The following KIAA1549L variants were observed in gnomAD, a reference collection of about 807,000 sequenced individuals.
KIAA1549L encodes KIAA1549 like.
In KIAA1549L, 88 loss-of-function variants were observed where a neutral mutation model predicts 160.7. The observed-to-expected ratio is 0.55, with a 90% CI of 0.46 to 0.65. KIAA1549L has a LOEUF of 0.65. KIAA1549L is among the 30% of genes least tolerant of loss of function. The probability of loss-of-function intolerance (pLI) is 0.00; values close to 1 mark genes in which losing one functional copy is unlikely to be tolerated. For synonymous variants in KIAA1549L, 950 were observed against 976.7 expected (o/e 0.97, Z 0.51); for missense variants, 2,258 against 2,437.5 (o/e 0.93, Z 1.55).
intron 20 of KIAA1549L, among the ~76,000 whole-genome samples, chr11:33,667,462 G>A (rs949875669): frequency 6.0e-5 from 9 of 151,260 alleles, no homozygotes; most frequent in African/African-American, 1.5e-4. Context: ...GTACAATCTC[G>A]GCTCATTGCA....
chr11:33,645,105 C>T (rs1343751534), intron 16 of KIAA1549L, among the ~76,000 whole-genome samples: 5 of 152,252 alleles, frequency 3.3e-5, no homozygotes, highest in African/African-American at 9.6e-5. Context: ...ATCGGAATCT[C>T]CTGGCGGGCT....
intron 4 of KIAA1549L, among the ~76,000 whole-genome samples, chr11:33,550,806 G>T (rs1329082477): frequency 1.3e-5 from 2 of 152,136 alleles, no homozygotes; most frequent in African/African-American, 2.4e-5. Context: ...AAAAGATACA[G>T]ATTTAATTCT....
chr11:33,475,469 A>T (rs1353224952), intron 1 of KIAA1549L, among the ~76,000 whole-genome samples: 2 of 151,608 alleles, frequency 1.3e-5, no homozygotes, highest in Non-Finnish European at 2.9e-5. Context: ...AGGTGGGAGG[A>T]TCGTTTGAGC....
Position 33,551,201 on chromosome 11 carries a change from G to T in KIAA1549L, c.3663G>T (p.Val1221=). The change falls in exon 5 of 21, where the codon GTG becomes GTT. Residue 1221 remains valine (V), a synonymous_variant. Transcript: ENST00000658780. ...LKQHTPHLQS[V]AVLASPWNPQ... is the part of the protein sequence containing the mutation. ...AACACACCCCACACTTACAGTCTGT[G>T]GCAGTACTTGCCTCCCCATGGAATC... The T allele has an allele frequency of 6.2e-7, 1 of 1,613,880 alleles. No individual in the cohort carries two copies. Among genetic ancestry groups the T allele is most frequent in the Non-Finnish European group, 8.5e-7 (1 of 1,179,880 alleles).
intron 1 of KIAA1549L, among the ~76,000 whole-genome samples, chr11:33,399,265 A>G (rs56117823): frequency 1.3e-5 from 2 of 152,190 alleles, no homozygotes; most frequent in African/African-American, 2.4e-5. Context: ...GTTAGTGTTT[A>G]TAATGTCATG....
At chr11:33,380,119 A>T (rs1850044243) in intron 1 of KIAA1549L, among the ~76,000 whole-genome samples, 1 of 152,120 alleles carries the variant, frequency 6.6e-6, no homozygotes, top group South Asian at 2.1e-4. Context: ...TGTGGGGAGG[A>T]GTCCTCAGCA....
chr11:33,442,519 A>T (rs1457104672), intron 1 of KIAA1549L, among the ~76,000 whole-genome samples: 1 of 152,110 alleles, frequency 6.6e-6, no homozygotes, highest in Non-Finnish European at 1.5e-5. Flanking sequence ...TTTTCCTTCC[A>T]TTTTTGATGC....
At chr11:33,613,262 A>C (rs1236797925) in intron 15 of KIAA1549L, among the ~76,000 whole-genome samples, 1 of 152,146 alleles carries the variant, frequency 6.6e-6, no homozygotes, top group African/African-American at 2.4e-5. Context: ...CCTCACCAGC[A>C]TCTACTATTT....
chr11:33,514,729 C>T (rs1853305559), intron 1 of KIAA1549L, among the ~76,000 whole-genome samples: 1 of 152,138 alleles, frequency 6.6e-6, no homozygotes, highest in South Asian at 2.1e-4. Context: ...AAAGGCTTTA[C>T]CATCTGGGAT....
chr11:33,543,816 C>T lies in KIAA1549L; in HGVS notation c.2253C>T (p.Ala751=), dbSNP rs368585647. ...TAPPNGLTSA[A]DAIKSQDFKD... is the part of the protein sequence containing the mutation. ...CTCCCAATGGTTTAACTTCAGCTGC[C>T]GATGCCATAAAATCTCAGGATTTCA... The change falls in exon 2 of 21, where the codon GCC becomes GCT. Residue 751 remains alanine, a synonymous_variant. Coordinates refer to ENST00000658780, the MANE Select transcript of KIAA1549L (RefSeq NM_012194.3). The T allele has an allele frequency of 5.9e-5, 95 of 1,613,836 alleles. 1 individual carries two copies. The Middle Eastern group carries it at 2.3e-3, about 39-fold the overall frequency.
chr11:33,413,499 T>C (rs1455487087), intron 1 of KIAA1549L, among the ~76,000 whole-genome samples: 1 of 150,972 alleles, frequency 6.6e-6, no homozygotes, highest in Non-Finnish European at 1.5e-5. Flanking sequence ...CTATGAAGCA[T>C]GGTTTTTGTT....
intron 1 of KIAA1549L, among the ~76,000 whole-genome samples, chr11:33,477,507 G>GCACGCTCACACA (rs374982374): frequency 7.6e-6 from 1 of 131,822 alleles, no homozygotes; most frequent in Admixed American, 7.1e-5. Flanking sequence ...GCAGGTGCAC[G>GCACGCTCACACA]CACACACACA....
At chr11:33,393,448 C>A (rs1027903945) in intron 1 of KIAA1549L, among the ~76,000 whole-genome samples, 4 of 152,156 alleles carry the variant, frequency 2.6e-5, no homozygotes, top group African/African-American at 9.7e-5. Context: ...AAAAGGTAAT[C>A]CCGGGTACAA....
At chr11:33,484,406 A>G (rs1330020791) in intron 1 of KIAA1549L, among the ~76,000 whole-genome samples, 5 of 152,084 alleles carry the variant, frequency 3.3e-5, no homozygotes, top group South Asian at 2.1e-4. Flanking sequence ...TGTTGTGGCT[A>G]TTTCTTCTAT....
Position 33,435,794 on chromosome 11 carries a change from A to ATGTGTGTGTGTGTGTG in KIAA1549L, c.238+58906_238+58907insGTGTGTGTGTGTGTGT, listed in dbSNP as rs1447364209. On this transcript the variant is annotated intron_variant, in intron 1 of 20. Transcript: ENST00000658780. The stretch of plus-strand genomic sequence containing the variant: ...TATATATATATATATATATATATAT[A>ATGTGTGTGTGTGTGTG]TATATATATATATATATGTGTGTGT... 7.1e-3 allele frequency among the ~76,000 whole-genome samples: 231 copies of ATGTGTGTGTGTGTGTG among 32,328 alleles called. 9 individuals are homozygous for ATGTGTGTGTGTGTGTG. Among genetic ancestry groups the ATGTGTGTGTGTGTGTG allele is most frequent in the South Asian group, 8.9e-3 (9 of 1,016 alleles). The allele number at this position is 32,328 out of a possible 152,430, so 21.2% of individuals were successfully genotyped here.
chr11:33,551,040 G>A lies in KIAA1549L; in HGVS notation c.3502G>A (p.Val1168Met), dbSNP rs1386517599. Residue 1168 changes from valine (V) to methionine (M), a missense_variant and splice_region_variant, in exon 5 of 21, where the codon GTG becomes ATG. Val to Met is a conservative substitution (Grantham distance 21). Around this residue, in one of 6 missense-constraint regions of KIAA1549L, gnomAD observed 1,359 missense variants for 1,546.6 expected, o/e 0.88. Coordinates refer to ENST00000658780, the MANE Select transcript of KIAA1549L (RefSeq NM_012194.3). ...AFHQNDVSAH[V>M]DILEYSHNVT... ...TTTTGTGGGTCCATTTGTTTTGTAG[G>A]TGGACATTCTGGAATATTCTCATAA... 13 of 1,613,042 alleles carry A rather than the reference G, an allele frequency of 8.1e-6. No individual in the cohort carries two copies. Among genetic ancestry groups the A allele is most frequent in the Non-Finnish European group, 1.0e-5 (12 of 1,179,060 alleles).
At chr11:33,455,012 C>T (rs896440048) in intron 1 of KIAA1549L, among the ~76,000 whole-genome samples, 2 of 152,114 alleles carry the variant, frequency 1.3e-5, no homozygotes, top group African/African-American at 2.4e-5. Context: ...TGGCGTGAAC[C>T]CAGGAGGCAG....
chr11:33,430,009 C>CCCTTCCTTCCTT (rs762169127), intron 1 of KIAA1549L, among the ~76,000 whole-genome samples: 1,638 of 93,316 alleles, frequency 0.018, 65 homozygotes, highest in African/African-American at 0.069. Flanking sequence ...GCTCTGCCCT[C>CCCTTCCTTCCTT]CCTTCCTTCC....
chr11:33,542,903 C>A lies in KIAA1549L; in HGVS notation c.1340C>A (p.Pro447Gln), dbSNP rs765326884. The stretch of plus-strand genomic sequence containing the variant: ...GCCACTGCAAATGACTCTGCTAACC[C>A]GCTGCATTTGTCAGCAGCTCCAGAG... ...ASATANDSAN[P>Q]LHLSAAPENS... is the part of the protein sequence containing the mutation. The change falls in exon 2 of 21, where the codon CCG becomes CAG. Residue 447 changes from proline (P) to glutamine (Q), a missense_variant. Physicochemically the swap from Pro to Gln is moderately conservative, Grantham distance 76. Transcript: ENST00000658780. 1.8e-5 allele frequency: 29 copies of A among 1,613,920 alleles called. No individual in the cohort carries two copies. The African/African-American group carries it at 2.8e-4, about 16-fold the overall frequency.
Sources: gnomAD v4.1 joint callset for allele counts (sites outside exome capture counted in the v4.1 genomes callset) on GRCh38, gnomAD v4.1.1 for gene constraint, gnomAD v4.1.1 regional missense constraint, MANE v1.5 for transcripts, NCBI Gene and HGNC (gene_info 2026-07-23, HGNC 2026-07-21) for gene names.